IRAK4: variants seen among roughly 807,000 people sequenced by gnomAD.
The protein encoded by IRAK4 is interleukin-1 receptor-associated kinase 4.
In IRAK4, 44 loss-of-function variants were observed where a neutral mutation model predicts 51.8. That is an observed-to-expected ratio of 0.85 (90% CI 0.67 to 1.09). The LOEUF is 1.09. Among genes scored for constraint, IRAK4 ranks in the 50% least tolerant of loss-of-function variants. The pLI is 0.00. For synonymous variants in IRAK4, 149 were observed against 174.1 expected (o/e 0.86, Z 1.13); for missense variants, 487 against 538.0 (o/e 0.91, Z 0.94).
In IRAK4 at chr12:43,786,530, GAAA is replaced by G; in HGVS notation, c.1323_1325del (p.Lys441del). On this transcript the variant is annotated inframe_deletion, in exon 11 of 12. Coordinates refer to ENST00000613694, the MANE Select transcript of IRAK4 (RefSeq NM_016123.4). Reference sequence around the variant, plus strand: ...TTGCTAGTCAATGTCTGCATGAAAAGAAAAATAAGAGACCAGACATTAAGAAGG... The same window carrying G: ...TTGCTAGTCAATGTCTGCATGAAAAGAATAAGAGACCAGACATTAAGAAGG... 6.2e-7 allele frequency: 1 copy of G among 1,613,382 alleles called. No individual in the cohort carries two copies. Among genetic ancestry groups the G allele is most frequent in the Non-Finnish European group, 8.5e-7 (1 of 1,179,762 alleles).
At chr12:43,771,529 C>T (rs937299789) in intron 3 of IRAK4, among the ~76,000 whole-genome samples, 164 bp downstream of exon 3, 1 of 152,222 alleles carries the variant, frequency 6.6e-6, no homozygotes, top group African/African-American at 2.4e-5. Flanking sequence ...GCAGCACAGA[C>T]AAAGGACACT....
chr12:43,772,372 A>G lies in IRAK4; in HGVS notation c.490+10A>G, dbSNP rs377633662. ...GAAGTTAGTGATACACGTAAGTAAC[A>G]TTTTCAGTGCTTTCCACTAGGGATT... On this transcript the variant is annotated intron_variant, in intron 4 of 11. Transcript: ENST00000613694. The G allele has an allele frequency of 1.2e-6, 2 of 1,606,302 alleles. No homozygotes were observed. The highest frequency in any genetic ancestry group is 2.7e-5 in the African/African-American group (2 of 74,850).
At chr12:43,779,576 A>G (rs562885727) in intron 8 of IRAK4, among the ~76,000 whole-genome samples, 17 of 152,222 alleles carry the variant, frequency 1.1e-4, no homozygotes, top group Non-Finnish European at 2.4e-4. Flanking sequence ...AAAGATTAAA[A>G]TGGCAAAACT....
rs1565675008 is a variant in IRAK4 at position 43,775,251 on chromosome 12, C to G, written c.716+1222C>G. The stretch of plus-strand genomic sequence containing the variant: ...CTTCTTCACTCCTACCCCTACTCTC[C>G]AATTCTAAAAGTAACTTGTTCACAG... On this transcript the variant is annotated intron_variant, in intron 6 of 11. Coordinates refer to ENST00000613694, the MANE Select transcript of IRAK4 (RefSeq NM_016123.4). Among the ~76,000 whole-genome samples, 7 of 152,214 alleles carry G rather than the reference C, an allele frequency of 4.6e-5. No homozygotes were observed. In the South Asian group the frequency reaches 1.5e-3, roughly 32 times the overall value.
At position 43,789,302 on chromosome 12, in the gene IRAK4, A is replaced by G. The variant is rs948939629; in HGVS notation, c.*2587A>G. 3.9e-5 allele frequency: 6 copies of G among 152,086 alleles called. No homozygotes were observed. The highest frequency in any genetic ancestry group is 5.9e-5 in the Non-Finnish European group (4 of 68,020). The allele number at this position is 152,086 out of a possible 1,614,324, so 9.4% of individuals were successfully genotyped here. On this transcript the variant is annotated 3_prime_UTR_variant, in exon 12 of 12. Transcript: ENST00000613694. Reference sequence around the variant, plus strand: ...CGTGTGAGATCTGGTGGCTTAAAAGAGTCTGCTCCCCCTTTGCCTTCCATT... The same window carrying G: ...CGTGTGAGATCTGGTGGCTTAAAAGGGTCTGCTCCCCCTTTGCCTTCCATT...
chr12:43,759,613 A>G (rs959352024), intron 1 of IRAK4: 10 of 152,860 alleles, frequency 6.5e-5, no homozygotes, highest in Non-Finnish European at 1.3e-4. Flanking sequence ...TCATGCTTGT[A>G]ATCCCAGCAC....
chr12:43,760,963 T>C (rs1939486608), intron 1 of IRAK4: 1 of 152,214 alleles, frequency 6.6e-6, no homozygotes, highest in Non-Finnish European at 1.5e-5. Flanking sequence ...AGACACTCAG[T>C]AAATATTTGG....
At chr12:43,773,709 G>T in intron 5 of IRAK4, 22 of 294,512 alleles carry the variant, frequency 7.5e-5, no homozygotes, top group East Asian at 2.4e-4. Flanking sequence ...AAATTTTTTT[G>T]TGTAGTGAAA....
Position 43,777,737 on chromosome 12 carries a change from C to G in IRAK4, c.824C>G (p.Ser275Cys). 6.2e-7 allele frequency: 1 copy of G among 1,609,174 alleles called. No homozygotes were observed. Residue 275 changes from serine (S) to cysteine (C), a missense_variant, in exon 7 of 12, where the codon TCT becomes TGT. By Grantham distance (112) the Ser-to-Cys change is moderately radical (BLOSUM62 -1). Coordinates refer to ENST00000613694, the MANE Select transcript of IRAK4 (RefSeq NM_016123.4). ...AATGGTTCATTGCTAGACAGACTCT[C>G]TTGCTTGGTAAGCTATTTGTTCATC... ...MPNGSLLDRL[S>C]CLDGTPPLSW...
At position 43,778,358 on chromosome 12, in the gene IRAK4, G is replaced by A. The variant is rs1399944642; in HGVS notation, c.941+56G>A. ...AGCTGTCTTTAAAGAATAATTTGCTGTCACTCTATTCACGATTCATATGCA... is the reference window on the plus strand; with the variant it reads ...AGCTGTCTTTAAAGAATAATTTGCTATCACTCTATTCACGATTCATATGCA... On this transcript the variant is annotated intron_variant, in intron 8 of 11. Coordinates refer to ENST00000613694, the MANE Select transcript of IRAK4 (RefSeq NM_016123.4). 2.4e-5 allele frequency: 23 copies of A among 967,490 alleles called. 1 individual carries two copies. Among genetic ancestry groups the A allele is most frequent in the South Asian group, 2.3e-4 (18 of 77,202 alleles). The allele number at this position is 967,490 out of a possible 1,614,324, so 59.9% of individuals were successfully genotyped here.
At position 43,768,277 on chromosome 12, in the gene IRAK4, C is replaced by G. The variant is rs1565666052; in HGVS notation, c.161+5C>G. 6.3e-7 allele frequency: 1 copy of G among 1,598,002 alleles called. No homozygotes were observed. Among genetic ancestry groups the G allele is most frequent in the Admixed American group, 1.7e-5 (1 of 59,638 alleles). ...ATACAATCAGTTTCACATAAGGTAA[C>G]AGATAAAATTCTTTGTATTTTTAAA... On this transcript the variant is annotated splice_donor_5th_base_variant and intron_variant, in intron 2 of 11. Coordinates refer to ENST00000613694, the MANE Select transcript of IRAK4 (RefSeq NM_016123.4).
chr12:43,782,708 C>G (rs1018930436), intron 9 of IRAK4, among the ~76,000 whole-genome samples: 1 of 152,072 alleles, frequency 6.6e-6, no homozygotes, highest in Non-Finnish European at 1.5e-5. Flanking sequence ...AAATGATTTT[C>G]TTGCCATCTG....
chr12:43,771,954 A>G (rs554235964), intron 3 of IRAK4, among the ~76,000 whole-genome samples: 4 of 152,340 alleles, frequency 2.6e-5, no homozygotes, highest in African/African-American at 7.2e-5. Context: ...TGCCTCTGAT[A>G]TAGGTGGCTC....
At chr12:43,775,098 A>G (rs1017877112) in intron 6 of IRAK4, among the ~76,000 whole-genome samples, 10 of 152,226 alleles carry the variant, frequency 6.6e-5, no homozygotes, top group African/African-American at 2.4e-5. Context: ...TACCCATTAA[A>G]CCCACTGCTG....
Position 43,787,069 on chromosome 12 carries a change from G to C in IRAK4, c.*354G>C. On this transcript the variant is annotated 3_prime_UTR_variant, in exon 12 of 12. Coordinates refer to ENST00000613694, the MANE Select transcript of IRAK4 (RefSeq NM_016123.4). ...CAGCTGACTCCACTACTAATTTGCT[G>C]TAAAGCTTTGGACATACACTTAGCT... 1 of 251,994 alleles carries C rather than the reference G, an allele frequency of 4.0e-6. No homozygotes were observed. The highest frequency in any genetic ancestry group is 7.0e-5 in the South Asian group (1 of 14,258). 15.6% of individuals were successfully genotyped at this position (251,994 alleles called of 1,614,324 possible).
chr12:43,771,235 A>T lies in IRAK4; in HGVS notation c.177A>T (p.Leu59Phe). The T allele has an allele frequency of 6.2e-7, 1 of 1,613,578 alleles. No individual in the cohort carries two copies. Among genetic ancestry groups the T allele is most frequent in the Non-Finnish European group, 8.5e-7 (1 of 1,179,512 alleles). The change falls in exon 3 of 12, where the codon TTA (leucine) becomes TTT (phenylalanine). Residue 59 changes from leucine (L) to phenylalanine (F), a missense_variant. Leu to Phe is a conservative substitution (Grantham distance 22). Transcript: ENST00000613694. Reference sequence around the variant, plus strand: ...TACTTTTAAGGAGATTTGAAGCATTACTTCAAACTGGAAAAAGTCCCACTT... The same window carrying T: ...TACTTTTAAGGAGATTTGAAGCATTTCTTCAAACTGGAAAAAGTCCCACTT... The part of the protein sequence containing the change: ...NQFHIRRFEA[L>F]LQTGKSPTSE...
At chr12:43,763,223 T>TCA (rs2137850399) in intron 1 of IRAK4, 1 of 152,338 alleles carries the variant, frequency 6.6e-6, no homozygotes, top group South Asian at 2.1e-4. Flanking sequence ...TTTAGTGTAG[T>TCA]ATCAAAGAGA....
In IRAK4 at chr12:43,768,188, T is replaced by C. The variant is rs138116867; in HGVS notation, c.77T>C (p.Ile26Thr). The C allele has an allele frequency of 8.7e-6, 14 of 1,613,504 alleles. No homozygotes were observed. Among genetic ancestry groups the C allele is most frequent in the Middle Eastern group, 1.7e-4 (1 of 6,054 alleles). The part of the protein sequence containing the change: ...VGLIRKLSDF[I>T]DPQEGWKKLA... ...CTAATTAGGAAGCTGTCAGATTTTA[T>C]TGATCCTCAAGAAGGATGGAAGAAG... The change falls in exon 2 of 12, where the codon ATT becomes ACT. Residue 26 changes from isoleucine to threonine, a missense_variant. Physicochemically the swap from Ile to Thr is moderately conservative, Grantham distance 89 (BLOSUM62 -1). Transcript: ENST00000613694.
At chr12:43,770,364 T>C (rs1940620031) in intron 2 of IRAK4, among the ~76,000 whole-genome samples, 1 of 152,196 alleles carries the variant, frequency 6.6e-6, no homozygotes, top group Non-Finnish European at 1.5e-5. Context: ...GGAAGTAATA[T>C]TGCTAGTAGA....
Sources: allele counts gnomAD v4.1 joint callset (sites outside exome capture counted in the v4.1 genomes callset), GRCh38; gene constraint gnomAD v4.1.1; transcripts MANE v1.5; gene names NCBI Gene and HGNC (gene_info 2026-07-23, HGNC 2026-07-21).